NFATC1: variants seen among roughly 807,000 people sequenced by gnomAD.
NFATC1 encodes the protein nuclear factor of activated T cells 1.
In NFATC1, 22 loss-of-function variants were observed where a neutral mutation model predicts 76.0. The ratio of observed to expected loss-of-function variants is 0.29; its 90% CI spans 0.21 to 0.41. The LOEUF (loss-of-function observed/expected upper bound fraction) is 0.41. Ranked by LOEUF, NFATC1 falls within the 10% of genes least tolerant of loss-of-function variation. The probability of loss-of-function intolerance (pLI) is 1.00; values close to 1 mark genes in which losing one functional copy is unlikely to be tolerated. For missense variants in NFATC1, 1,357 were observed against 1,337.7 expected (o/e 1.01, Z -0.23); for synonymous variants, 704 against 613.1 (o/e 1.15, Z -2.19).
At position 79,410,153 on chromosome 18, in the gene NFATC1, T is replaced by G. The variant is rs1439374291; in HGVS notation, c.128-250T>G. 1.3e-6 allele frequency: 1 copy of G among 761,084 alleles called. No homozygotes were observed. Among genetic ancestry groups the G allele is most frequent in the Admixed American group, 1.7e-5 (1 of 58,292 alleles). 47.1% of individuals were successfully genotyped at this position (761,084 alleles called of 1,614,324 possible). A position where few individuals can be genotyped will look rare whatever the true frequency, so the allele number is the denominator to read the frequency against. On this transcript the variant is annotated intron_variant, in intron 1 of 9. Coordinates refer to ENST00000427363, the MANE Select transcript of NFATC1 (RefSeq NM_001278669.2). This position sits in a 1 kb window ranked among gnomAD's most constrained non-coding sequence, Gnocchi z 6.7. Reference sequence around the variant, plus strand: ...GGGAAGGACGTTCGGGGGCTTGTGCTGCTGTTAGGGGAGGAGGGGAGGTGG... The same window carrying G: ...GGGAAGGACGTTCGGGGGCTTGTGCGGCTGTTAGGGGAGGAGGGGAGGTGG...
chr18:79,471,851 C>G (rs2088799856), intron 8 of NFATC1, among the ~76,000 whole-genome samples: 1 of 152,306 alleles, frequency 6.6e-6, no homozygotes, highest in Admixed American at 6.5e-5. Context: ...GGCCCCGAGC[C>G]CAGACAGGAG....
intron 9 of NFATC1, chr18:79,496,009 GGC>G (rs2089873394): frequency 2.0e-5 from 3 of 152,572 alleles, no homozygotes; most frequent in East Asian, 3.9e-4. Context: ...ACAGTAGTAA[GGC>G]GTCCGCGGGT....
chr18:79,522,624 G>A (rs556995603), intron 9 of NFATC1, among the ~76,000 whole-genome samples: 5 of 151,992 alleles, frequency 3.3e-5, no homozygotes, highest in African/African-American at 4.8e-5. Flanking sequence ...AAACACCCCC[G>A]CCCCCAGCCT....
rs554580148 is a variant in NFATC1, at chr18:79,423,296, G to A, written c.1227-10283G>A. Among the ~76,000 whole-genome samples, 37 of 152,370 alleles carry A rather than the reference G, an allele frequency of 2.4e-4. 1 individual carries two copies. The South Asian group carries it at 7.7e-3, about 32-fold the overall frequency. ...CAGATCCCGCGCGCTCCCGGTCTGT[G>A]GCTTTGACTTTGGTTTGAGTTCCTG... On this transcript the variant is annotated intron_variant, in intron 2 of 9. Coordinates refer to ENST00000427363, the MANE Select transcript of NFATC1 (RefSeq NM_001278669.2).
intron 9 of NFATC1, among the ~76,000 whole-genome samples, chr18:79,508,053 CAAATT>C (rs1444584230): frequency 1.3e-5 from 2 of 152,270 alleles, no homozygotes; most frequent in Non-Finnish European, 2.9e-5. Context: ...AACTTTAAAA[CAAATT>C]AAACTCTTGT....
At chr18:79,466,523 G>A (rs141662776) in intron 7 of NFATC1, among the ~76,000 whole-genome samples, 96 of 152,232 alleles carry the variant, frequency 6.3e-4, no homozygotes, top group African/African-American at 2.2e-3. Context: ...CGACCTCTGC[G>A]AACAGCGCCA....
chr18:79,433,118 G>A lies in NFATC1; in HGVS notation c.1227-461G>A, dbSNP rs939230281. ...ATCATGGAATTTGGGGGCTGGCGGC[G>A]CTGCGCACATCACAACTTCCAAACC... On this transcript the variant is annotated intron_variant, in intron 2 of 9. Coordinates refer to ENST00000427363, the MANE Select transcript of NFATC1 (RefSeq NM_001278669.2). Among the ~76,000 whole-genome samples, 4 of 152,200 alleles carry A rather than the reference G, an allele frequency of 2.6e-5. No homozygotes were observed. The South Asian group carries it at 6.2e-4, about 24-fold the overall frequency.
chr18:79,508,090 A>G (rs776927630), intron 9 of NFATC1, among the ~76,000 whole-genome samples: 8 of 152,388 alleles, frequency 5.2e-5, no homozygotes, highest in Non-Finnish European at 1.0e-4. Context: ...TAAAAATCAG[A>G]ATGGAACTGA....
chr18:79,441,637 T>C (rs2144718366), intron 3 of NFATC1, among the ~76,000 whole-genome samples: 1 of 152,094 alleles, frequency 6.6e-6, no homozygotes, highest in African/African-American at 2.4e-5. Flanking sequence ...GGAAACCACC[T>C]CACTTCTGAC....
chr18:79,442,344 C>G (rs1413108506), intron 3 of NFATC1, among the ~76,000 whole-genome samples: 1 of 152,238 alleles, frequency 6.6e-6, no homozygotes, highest in Non-Finnish European at 1.5e-5. Context: ...GCTGAGCAGC[C>G]TCTGCTGCCT....
At chr18:79,493,287 C>G (rs1011839117) in intron 9 of NFATC1, 1 of 152,294 alleles carries the variant, frequency 6.6e-6, no homozygotes, top group Non-Finnish European at 1.5e-5. Flanking sequence ...CGCTCGCGCG[C>G]TGAGAGCGTT....
chr18:79,461,756 T>A (rs1427161892), intron 7 of NFATC1, among the ~76,000 whole-genome samples: 1 of 152,144 alleles, frequency 6.6e-6, no homozygotes, highest in Non-Finnish European at 1.5e-5. Context: ...TGGGAGTCAG[T>A]GCTGTGCTGA....
chr18:79,436,710 C>G (rs1470446981), intron 3 of NFATC1, among the ~76,000 whole-genome samples: 1 of 152,164 alleles, frequency 6.6e-6, no homozygotes, highest in East Asian at 1.9e-4. Flanking sequence ...CTCGCTCTTA[C>G]TTGTGGGTGC....
At chr18:79,484,135 C>A (rs1159432899) in intron 8 of NFATC1, among the ~76,000 whole-genome samples, 1 of 151,994 alleles carries the variant, frequency 6.6e-6, no homozygotes, top group South Asian at 2.1e-4. Flanking sequence ...GGAGCACACC[C>A]GTTCTCCCTC....
chr18:79,525,665 G>A (rs985175395), intron 9 of NFATC1, among the ~76,000 whole-genome samples: 13 of 152,010 alleles, frequency 8.6e-5, no homozygotes, highest in South Asian at 2.1e-4. Context: ...GGCCTCTTTC[G>A]TCCCCACAAT....
chr18:79,521,736 T>G (rs1258256145), intron 9 of NFATC1, among the ~76,000 whole-genome samples: 3 of 56,700 alleles, frequency 5.3e-5, no homozygotes, highest in African/African-American at 7.5e-5. Context: ...TGTGTGTGTG[T>G]GGGGTGCATC....
chr18:79,450,604 T>C (rs1170448710), intron 4 of NFATC1, among the ~76,000 whole-genome samples: 1 of 152,138 alleles, frequency 6.6e-6, no homozygotes, highest in Non-Finnish European at 1.5e-5. Flanking sequence ...GCGTGGGCCC[T>C]GGAGGCAGCC....
intron 9 of NFATC1, chr18:79,498,354 A>ATTTT (rs2089944565): frequency 2.0e-5 from 3 of 151,022 alleles, no homozygotes; most frequent in Admixed American, 6.5e-5. Context: ...GATTTTTAAA[A>ATTTT]AAAAAAAAAA....
chr18:79,476,892 T>C (rs947332042), intron 8 of NFATC1, among the ~76,000 whole-genome samples: 1 of 152,198 alleles, frequency 6.6e-6, no homozygotes, highest in South Asian at 2.1e-4. Context: ...CATGCCTTCC[T>C]GGAAACCTTG....
Sources: allele counts gnomAD v4.1 joint callset (sites outside exome capture counted in the v4.1 genomes callset), GRCh38; gene constraint gnomAD v4.1.1; non-coding constraint Gnocchi (gnomAD v3.1); transcripts MANE v1.5; gene names NCBI Gene and HGNC (gene_info 2026-07-23, HGNC 2026-07-21).